The following ADCY2 variants were observed in gnomAD, a reference collection of about 807,000 sequenced individuals.
ADCY2 encodes adenylate cyclase 2.
A neutral mutation model predicts 125.2 loss-of-function variants in ADCY2; 31 were observed. The ratio of observed to expected loss-of-function variants is 0.25; its 90% CI spans 0.19 to 0.33. The LOEUF is 0.33. ADCY2 is among the 10% of genes least tolerant of loss of function. The pLI is 1.00. For missense variants in ADCY2, 904 were observed against 1,418.2 expected, an observed-to-expected ratio of 0.64 and a Z score of 5.82; for synonymous variants, 512 against 548.4, an observed-to-expected ratio of 0.93 and a Z score of 0.93.
intron 10 of ADCY2, among the ~76,000 whole-genome samples, chr5:7,711,788 C>T (rs80126195): frequency 0.016 from 2,506 of 152,304 alleles, 29 homozygotes; most frequent in Middle Eastern, 0.027. Context: ...CTGGTCCCAC[C>T]TGTTGCAGAT....
chr5:7,530,904 C>T lies in ADCY2; in HGVS notation c.570+10005C>T, dbSNP rs554663577. On this transcript the variant is annotated intron_variant, in intron 3 of 24. Transcript: ENST00000338316. Reference sequence around the variant, plus strand: ...GCCTGGCAAACTCCTATTCAACCCTCAGGACCTGGTTCACAGGAATGGCTT... The same window carrying T: ...GCCTGGCAAACTCCTATTCAACCCTTAGGACCTGGTTCACAGGAATGGCTT... Among the ~76,000 whole-genome samples, 7 of 152,250 alleles carry T rather than the reference C, an allele frequency of 4.6e-5. No homozygotes were observed. The East Asian group carries it at 1.2e-3, about 25-fold the overall frequency.
At chr5:7,585,433 A>C (rs1446208871) in intron 3 of ADCY2, among the ~76,000 whole-genome samples, 1 of 152,184 alleles carries the variant, frequency 6.6e-6, no homozygotes, top group Non-Finnish European at 1.5e-5. Flanking sequence ...TACTATTTTC[A>C]ATCCAGTCAG....
chr5:7,407,979 G>A (rs149526342), intron 1 of ADCY2, among the ~76,000 whole-genome samples: 1 of 144,832 alleles, frequency 6.9e-6, no homozygotes, highest in Non-Finnish European at 1.5e-5. Flanking sequence ...AGTGATTCTT[G>A]TGCCTCAGCC....
intron 11 of ADCY2, 39 bp downstream of exon 11, chr5:7,712,938 C>T: frequency 2.1e-6 from 3 of 1,425,868 alleles, no homozygotes; most frequent in South Asian, 1.2e-5. Context: ...AAGCTTATTG[C>T]TCTTTATTCA....
intron 22 of ADCY2, among the ~76,000 whole-genome samples, chr5:7,809,011 C>T (rs1579461875): frequency 6.6e-6 from 1 of 152,192 alleles, no homozygotes; most frequent in African/African-American, 2.4e-5. Flanking sequence ...TGTTACCTTA[C>T]GCATGAAATG....
At chr5:7,612,576 C>T (rs985691167) in intron 3 of ADCY2, among the ~76,000 whole-genome samples, 1 of 152,184 alleles carries the variant, frequency 6.6e-6, no homozygotes, top group African/African-American at 2.4e-5. Context: ...CTGTATTTGT[C>T]AGTCATTGAC....
At chr5:7,614,801 T>C (rs1177990642) in intron 3 of ADCY2, among the ~76,000 whole-genome samples, 1 of 152,220 alleles carries the variant, frequency 6.6e-6, no homozygotes, top group Non-Finnish European at 1.5e-5. Context: ...TTGCAGTGAC[T>C]GCTTCCACCA....
At chr5:7,630,130 G>A (rs961172238) in intron 4 of ADCY2, among the ~76,000 whole-genome samples, 4 of 152,078 alleles carry the variant, frequency 2.6e-5, no homozygotes, top group African/African-American at 9.7e-5. Context: ...AACTCTCTGT[G>A]GGGATTCTGG....
intron 1 of ADCY2, among the ~76,000 whole-genome samples, chr5:7,406,712 G>A (rs1468392806): frequency 1.3e-5 from 2 of 152,116 alleles, no homozygotes; most frequent in Non-Finnish European, 2.9e-5. Flanking sequence ...CCTCTTGTCT[G>A]CCATAAATAA....
At chr5:7,650,497 GTGGAATGTA>G (rs760405632) in intron 4 of ADCY2, among the ~76,000 whole-genome samples, 9 of 152,246 alleles carry the variant, frequency 5.9e-5, no homozygotes, top group Non-Finnish European at 1.2e-4. Context: ...AACTATATAA[GTGGAATGTA>G]GATTTGAGTA....
At chr5:7,505,490 C>T (rs1170951722) in intron 2 of ADCY2, among the ~76,000 whole-genome samples, 1 of 152,140 alleles carries the variant, frequency 6.6e-6, no homozygotes, top group Non-Finnish European at 1.5e-5. Context: ...GGGGAGAGCA[C>T]AAGGTTTCAG....
At chr5:7,740,652 CAAG>C (rs1449160649) in intron 14 of ADCY2, among the ~76,000 whole-genome samples, 2 of 151,928 alleles carry the variant, frequency 1.3e-5, no homozygotes, top group African/African-American at 4.8e-5. Flanking sequence ...TTAGAAATAA[CAAG>C]AACCAACCAA....
chr5:7,675,128 G>A (rs528948849), intron 4 of ADCY2, among the ~76,000 whole-genome samples: 19 of 151,218 alleles, frequency 1.3e-4, no homozygotes, highest in Admixed American at 5.9e-4. Flanking sequence ...ACTGCAGTCC[G>A]GCCTGGGTGA....
chr5:7,554,867 G>A (rs1021239913), intron 3 of ADCY2, among the ~76,000 whole-genome samples: 2 of 152,190 alleles, frequency 1.3e-5, no homozygotes, highest in Admixed American at 6.5e-5. Context: ...ATAGAGGTAA[G>A]TGACTATCCC....
chr5:7,723,920 C>CAAAAAAAAAAAAAAAAAAAAAAAAAAAA, intron 12 of ADCY2, among the ~76,000 whole-genome samples: 1 of 53,728 alleles, frequency 1.9e-5, no homozygotes, highest in African/African-American at 1.0e-4. Context: ...GACTCAGTCT[C>CAAAAAAAAAAAAAAAAAAAAAAAAAAAA]AAAAAAAAAA....
At chr5:7,555,627 G>C (rs1189974774) in intron 3 of ADCY2, among the ~76,000 whole-genome samples, 1 of 152,084 alleles carries the variant, frequency 6.6e-6, no homozygotes, top group Non-Finnish European at 1.5e-5. Context: ...TAAAATGAGA[G>C]GGTTAGGTAC....
intron 12 of ADCY2, among the ~76,000 whole-genome samples, chr5:7,718,520 T>C (rs1450898662): frequency 1.3e-5 from 2 of 152,134 alleles, no homozygotes. Context: ...GAGTGTGATA[T>C]GTGTGTCTAT....
rs10714753 is a variant in ADCY2 at position 7,829,552 on chromosome 5, GA to G, written c.*2693del. The G allele has an allele frequency of 0.62, 92,650 of 149,490 alleles. 28,878 individuals carry two copies. Among genetic ancestry groups the G allele is most frequent in the African/African-American group, 0.71 (28,855 of 40,800 alleles). 9.3% of individuals were successfully genotyped at this position (149,490 alleles called of 1,614,324 possible). A position where few individuals can be genotyped will look rare whatever the true frequency, so the allele number is the denominator to read the frequency against. On this transcript the variant is annotated 3_prime_UTR_variant, in exon 25 of 25. Coordinates refer to ENST00000338316, the MANE Select transcript of ADCY2 (RefSeq NM_020546.3). ...CAGGTCCCAGTGCCATTGGCTTCAA[GA>G]AAAAAAAAAAATCTCTCCCCAATGC...
chr5:7,568,118 G>A (rs987569119), intron 3 of ADCY2, among the ~76,000 whole-genome samples: 1 of 151,984 alleles, frequency 6.6e-6, no homozygotes, highest in Non-Finnish European at 1.5e-5. Flanking sequence ...TGTTCATTTG[G>A]CACTCAATGT....
Sources: allele counts gnomAD v4.1 joint callset (sites outside exome capture counted in the v4.1 genomes callset), GRCh38; gene constraint gnomAD v4.1.1; transcripts MANE v1.5; gene names NCBI Gene and HGNC (gene_info 2026-07-23, HGNC 2026-07-21).